The following TIAM1 variants were observed in gnomAD, a reference collection of about 807,000 sequenced individuals.
TIAM1 encodes the protein TIAM Rac1 associated GEF 1, also known as rho guanine nucleotide exchange factor TIAM1.
A neutral mutation model predicts 163.5 loss-of-function variants in TIAM1; 65 were observed. That is an observed-to-expected ratio of 0.40 (90% CI 0.33 to 0.49). The LOEUF is 0.49. Among genes scored for constraint, TIAM1 ranks in the 20% least tolerant of loss-of-function variants. The probability of loss-of-function intolerance (pLI) is 0.77; values close to 1 mark genes in which losing one functional copy is unlikely to be tolerated. For synonymous variants in TIAM1, 833 were observed against 810.1 expected (o/e 1.03, Z -0.48); for missense variants, 1,789 against 2,044.7 (o/e 0.87, Z 2.41).
Position 31,266,612 on chromosome 21 carries a change from C to A in TIAM1, c.361G>T (p.Ala121Ser). 1 of 1,614,228 alleles carries A rather than the reference C, an allele frequency of 6.2e-7. No individual in the cohort carries two copies. ...GTGTCTGGCATGCTCTGCACAGAGGCTGCTGTGAGGACGATGCTGCTGTCT... is the reference window on the plus strand; with the variant it reads ...GTGTCTGGCATGCTCTGCACAGAGGATGCTGTGAGGACGATGCTGCTGTCT... ...SVDSSIVLTA[A>S]SVQSMPDTEE... is the part of the protein sequence containing the mutation. The change falls in exon 4 of 28, where the codon GCC (alanine) becomes TCC (serine). Residue 121 changes from alanine (A) to serine (S), a missense_variant. Ala to Ser is a moderately conservative substitution (Grantham distance 99). Around this residue, in one of 5 missense-constraint regions of TIAM1, gnomAD observed 555 missense variants for 564.9 expected, o/e 0.98. Transcript: ENST00000541036.
At chr21:31,152,025 T>C (rs1460757630) in intron 19 of TIAM1, among the ~76,000 whole-genome samples, 1 of 21,302 alleles carries the variant, frequency 4.7e-5, no homozygotes, top group Non-Finnish European at 8.6e-5. Flanking sequence ...AAGTGCCTTT[T>C]TTTTTTTTTT....
chr21:31,165,015 C>T lies in TIAM1; in HGVS notation c.2938G>A (p.Glu980Lys). The T allele has an allele frequency of 6.2e-7, 1 of 1,614,196 alleles. No homozygotes were observed. The highest frequency in any genetic ancestry group is 8.5e-7 in the Non-Finnish European group (1 of 1,180,044). Residue 980 changes from glutamate to lysine, a missense_variant, in exon 16 of 28, where the codon GAG becomes AAG. Physicochemically the swap from Glu to Lys is moderately conservative, Grantham distance 56. Transcript: ENST00000541036. ...GATTCCAAGTCTGGCCCCTCGGTCT[C>T]CTCTGGAGCGGTCTCAGCACTGCTG... Reference protein sequence around the residue: ...QGSSAETAPEETEGPDLESSD... With the variant: ...QGSSAETAPEKTEGPDLESSD...
chr21:31,417,743 G>A (rs746089369), intron 2 of TIAM1, among the ~76,000 whole-genome samples: 2 of 152,116 alleles, frequency 1.3e-5, no homozygotes, highest in Non-Finnish European at 2.9e-5. Flanking sequence ...GTGCAGTCAG[G>A]GACATGGAGG....
At chr21:31,140,848 T>C (rs1013412916) in intron 22 of TIAM1, among the ~76,000 whole-genome samples, 7 of 152,174 alleles carry the variant, frequency 4.6e-5, no homozygotes, top group Non-Finnish European at 8.8e-5. Context: ...GGAAGTTCAC[T>C]TTCACACTTA....
At chr21:31,409,318 C>G (rs2077304194) in intron 2 of TIAM1, among the ~76,000 whole-genome samples, 1 of 152,044 alleles carries the variant, frequency 6.6e-6, no homozygotes, top group Non-Finnish European at 1.5e-5. Flanking sequence ...CTATGTTGGC[C>G]AGGCTGGTCT....
At chr21:31,313,380 C>G (rs1465890045) in intron 2 of TIAM1, among the ~76,000 whole-genome samples, 1 of 152,034 alleles carries the variant, frequency 6.6e-6, no homozygotes, top group African/African-American at 2.4e-5. Context: ...ATAACAAATC[C>G]TTGCAGTTGA....
rs961703441 is a variant in TIAM1 at position 31,266,049 on chromosome 21, A to G, written c.924T>C (p.His308=). 1 of 1,614,052 alleles carries G rather than the reference A, an allele frequency of 6.2e-7. No individual in the cohort carries two copies. Among genetic ancestry groups the G allele is most frequent in the South Asian group, 1.1e-5 (1 of 91,082 alleles). ...CTCTTCTGCCTTGCATGCTGTTGCT[A>G]TGGCTAATTTGTGGGTTGGTGGCAC... ...SEGATNPQIS[H]SNSMQGRRAK... The change falls in exon 4 of 28, where the codon CAT becomes CAC. Residue 308 remains histidine (H), a synonymous_variant. Coordinates refer to ENST00000541036, the MANE Select transcript of TIAM1 (RefSeq NM_001353694.2).
Position 31,156,026 on chromosome 21 carries a change from A to G in TIAM1, c.2992-1600T>C, listed in dbSNP as rs368415660. On this transcript the variant is annotated intron_variant, in intron 16 of 27. Coordinates refer to ENST00000541036, the MANE Select transcript of TIAM1 (RefSeq NM_001353694.2). ...AAGGCTGCTGTTTTGTGTAGGTCAG[A>G]AAAGCTAAAATCAAGTGTATGCCAT... is the stretch of plus-strand genomic sequence containing the variant. Among the ~76,000 whole-genome samples the G allele has an allele frequency of 5.6e-4, 86 of 152,346 alleles. 1 individual carries two copies. In the East Asian group the frequency reaches 0.014, roughly 25 times the overall value.
intron 1 of TIAM1, among the ~76,000 whole-genome samples, chr21:31,480,806 T>C (rs541176236): frequency 6.6e-6 from 1 of 152,292 alleles, no homozygotes; most frequent in Admixed American, 6.5e-5. Context: ...CAGGCTGGAG[T>C]GCACTGGCAC....
At chr21:31,243,567 C>T (rs2071335784) in intron 6 of TIAM1, among the ~76,000 whole-genome samples, 1 of 152,074 alleles carries the variant, frequency 6.6e-6, no homozygotes, top group Admixed American at 6.6e-5. Flanking sequence ...CCAAAAGACA[C>T]TACCCCATAA....
intron 2 of TIAM1, among the ~76,000 whole-genome samples, chr21:31,280,227 C>T (rs1045708633): frequency 2.6e-5 from 4 of 152,234 alleles, no homozygotes; most frequent in African/African-American, 7.2e-5. Flanking sequence ...CACATTCCCA[C>T]GTGTCATGGG....
Position 31,491,513 on chromosome 21 carries a change from G to C in TIAM1, c.-421-27478C>G, listed in dbSNP as rs1000728969. On this transcript the variant is annotated intron_variant, in intron 1 of 28. Transcript: ENST00000286827. The stretch of plus-strand genomic sequence containing the variant: ...GAGGACAGGCGACCAGGACCTTCAC[G>C]ATGACTTCCTGTCGGTCACCAACCT... Among the ~76,000 whole-genome samples, 3 of 152,172 alleles carry C rather than the reference G, an allele frequency of 2.0e-5. 1 individual carries two copies. Among genetic ancestry groups the C allele is most frequent in the South Asian group, 4.1e-4 (2 of 4,830 alleles).
chr21:31,199,925 AC>A (rs58673190), intron 12 of TIAM1, among the ~76,000 whole-genome samples: 3,179 of 148,128 alleles, frequency 0.021, 145 homozygotes, highest in African/African-American at 0.078. Flanking sequence ...AAAAAAAAAA[AC>A]ACACAAAAAA....
At chr21:31,403,533 A>T (rs954507266) in intron 2 of TIAM1, among the ~76,000 whole-genome samples, 2 of 152,180 alleles carry the variant, frequency 1.3e-5, no homozygotes, top group Admixed American at 1.3e-4. Context: ...AAATCTACCA[A>T]GCTCTCAGGC....
At chr21:31,138,750 T>C (rs557357217) in intron 22 of TIAM1, among the ~76,000 whole-genome samples, 4 of 152,316 alleles carry the variant, frequency 2.6e-5, no homozygotes, top group African/African-American at 9.6e-5. Flanking sequence ...TTCTCCTCAA[T>C]GGAAGAAAAA....
chr21:31,445,371 A>G (rs548463652), intron 2 of TIAM1, among the ~76,000 whole-genome samples: 1 of 152,230 alleles, frequency 6.6e-6, no homozygotes, highest in Admixed American at 6.5e-5. Flanking sequence ...TTCTTTAACC[A>G]CAGTTCTTCT....
chr21:31,550,510 A>G (rs868161388), intron 1 of TIAM1, among the ~76,000 whole-genome samples: 2 of 150,048 alleles, frequency 1.3e-5, no homozygotes, highest in Admixed American at 6.7e-5. Context: ...GTGACTGTGA[A>G]TGGGTACAGG....
chr21:31,412,133 G>A (rs2077369011), intron 2 of TIAM1, among the ~76,000 whole-genome samples: 1 of 152,174 alleles, frequency 6.6e-6, no homozygotes, highest in African/African-American at 2.4e-5. Flanking sequence ...GTCTTCTGCA[G>A]CAACCTAGAT....
At chr21:31,149,937 C>T (rs931997188) in intron 19 of TIAM1, among the ~76,000 whole-genome samples, 8 of 152,152 alleles carry the variant, frequency 5.3e-5, no homozygotes, top group Non-Finnish European at 8.8e-5. Flanking sequence ...ATTGTGCCTA[C>T]AACTTTCTCT....
Sources: gnomAD v4.1 joint callset for allele counts (sites outside exome capture counted in the v4.1 genomes callset) on GRCh38, gnomAD v4.1.1 for gene constraint, gnomAD v4.1.1 regional missense constraint, MANE v1.5 for transcripts, NCBI Gene and HGNC (gene_info 2026-07-23, HGNC 2026-07-21) for gene names.